Variants in TUBGCP3 observed in about 807,000 individuals in gnomAD.
The protein encoded by TUBGCP3 is tubulin gamma complex component 3.
TUBGCP3 carries 50 observed loss-of-function variants against 123.1 expected under a neutral mutation model. The observed-to-expected ratio is 0.41, with a 90% confidence interval of 0.32 to 0.51. TUBGCP3 has a LOEUF of 0.51. Among genes scored for constraint, TUBGCP3 ranks in the 20% least tolerant of loss-of-function variants. TUBGCP3 has a pLI of 0.36. For synonymous variants in TUBGCP3, 405 were observed against 413.9 expected (o/e 0.98, Z 0.26); for missense variants, 882 against 1,127.0 (o/e 0.78, Z 3.11).
chr13:112,555,777 GA>G (rs1187582592), intron 6 of TUBGCP3, among the ~76,000 whole-genome samples: 2 of 152,124 alleles, frequency 1.3e-5, no homozygotes, highest in Non-Finnish European at 2.9e-5. Context: ...ATGTGATGAG[GA>G]ACAGCAAAGA....
At position 112,504,646 on chromosome 13, in the gene TUBGCP3, G is replaced by C. The variant is rs772564573; in HGVS notation, c.2155C>G (p.Gln719Glu). 6.2e-7 allele frequency: 1 copy of C among 1,613,568 alleles called. No individual in the cohort carries two copies. Among genetic ancestry groups the C allele is most frequent in the Non-Finnish European group, 8.5e-7 (1 of 1,179,870 alleles). The change falls in exon 18 of 22, where the codon CAG (glutamine) becomes GAG (glutamate). Residue 719 changes from glutamine (Q) to glutamate (E), a missense_variant. Coordinates refer to ENST00000261965, the MANE Select transcript of TUBGCP3 (RefSeq NM_006322.6). The part of the protein sequence containing the change: ...SEMVHFIHQM[Q>E]YYITFEVLEC... ...TGTACCTCAAATGTGATGTAATACT[G>C]CATCTGATGAATGAAATGGACCATC...
intron 1 of TUBGCP3, among the ~76,000 whole-genome samples, chr13:112,573,035 A>C (rs1881538287): frequency 6.6e-6 from 1 of 152,070 alleles, no homozygotes; most frequent in South Asian, 2.1e-4. Context: ...TAAAGATGAA[A>C]AGAACAGGTA....
intron 19 of TUBGCP3, 31 bp downstream of exon 19, chr13:112,504,001 T>C (rs779974511): frequency 1.3e-6 from 2 of 1,563,904 alleles, no homozygotes; most frequent in Non-Finnish European, 1.7e-6. Context: ...ATTCTTTTGG[T>C]TTCTTGTTTC....
chr13:112,546,846 G>T, intron 10 of TUBGCP3: 1 of 152,382 alleles, frequency 6.6e-6, no homozygotes, highest in Non-Finnish European at 1.5e-5. Flanking sequence ...AGGAAGGTGT[G>T]CAGACAGCAA....
At position 112,533,751 on chromosome 13, in the gene TUBGCP3, T is replaced by C. The variant is rs118164684; in HGVS notation, c.1336-6267A>G. Among the ~76,000 whole-genome samples the C allele has an allele frequency of 4.7e-5, 7 of 150,030 alleles. No individual in the cohort carries two copies. The East Asian group carries it at 5.8e-4, about 13-fold the overall frequency. The stretch of plus-strand genomic sequence containing the variant: ...ATATTACCACATCACTGACTTGATA[T>C]TCAGTTTGGACACACTAGATAAAGC... On this transcript the variant is annotated intron_variant, in intron 11 of 21. Transcript: ENST00000261965.
intron 1 of TUBGCP3, among the ~76,000 whole-genome samples, chr13:112,583,377 C>G (rs1359753330): frequency 6.6e-6 from 1 of 152,138 alleles, no homozygotes; most frequent in Admixed American, 6.5e-5. Flanking sequence ...AAGCCTTCAA[C>G]AGATTCGATG....
chr13:112,544,403 A>G (rs1878809912), intron 11 of TUBGCP3, among the ~76,000 whole-genome samples: 1 of 143,020 alleles, frequency 7.0e-6, no homozygotes, highest in East Asian at 2.3e-4. Context: ...CAGTGAGCCG[A>G]GATTGAGCCA....
At chr13:112,550,826 C>CGT (rs1566570650) in intron 8 of TUBGCP3, among the ~76,000 whole-genome samples, 1 of 152,146 alleles carries the variant, frequency 6.6e-6, no homozygotes, top group Non-Finnish European at 1.5e-5. Context: ...CGGCCAGGTG[C>CGT]GGTGGCTCAC....
At chr13:112,513,897 A>G (rs771198022) in intron 17 of TUBGCP3, among the ~76,000 whole-genome samples, 3 of 152,064 alleles carry the variant, frequency 2.0e-5, no homozygotes, top group African/African-American at 4.8e-5. Flanking sequence ...TAAACAATTC[A>G]TAAGTTTTCA....
At chr13:112,581,505 G>C (rs1203017878) in intron 1 of TUBGCP3, among the ~76,000 whole-genome samples, 1 of 151,694 alleles carries the variant, frequency 6.6e-6, no homozygotes, top group Non-Finnish European at 1.5e-5. Flanking sequence ...GAGTGCAGTG[G>C]TAAGATCTCG....
rs553127646 is a variant in TUBGCP3, at chr13:112,547,484, A to C, written c.1168+136T>G. ...TGGCGCACCCTACAAACGAGTTCTG[A>C]AACAAAGCGAGTGCCAGACGCGCGT... On this transcript the variant is annotated intron_variant, in intron 10 of 21. Coordinates refer to ENST00000261965, the MANE Select transcript of TUBGCP3 (RefSeq NM_006322.6). 2.7e-4 allele frequency: 357 copies of C among 1,318,420 alleles called. 2 individuals are homozygous for C. The highest frequency in any genetic ancestry group is 1.4e-3 in the South Asian group (58 of 42,596). 81.7% of individuals were successfully genotyped at this position (1,318,420 alleles called of 1,614,324 possible). A position where few individuals can be genotyped will look rare whatever the true frequency, so the allele number is the denominator to read the frequency against.
At position 112,545,804 on chromosome 13, in the gene TUBGCP3, G is replaced by A. The variant is rs779872537; in HGVS notation, c.1230C>T (p.Tyr410=). 2 of 1,614,190 alleles carry A rather than the reference G, an allele frequency of 1.2e-6. No individual in the cohort carries two copies. Among genetic ancestry groups the A allele is most frequent in the Non-Finnish European group, 1.7e-6 (2 of 1,180,016 alleles). ...VHAYTKTGDP[Y]MRSLVQHILS... ...GGATGTGCTGCACCAGAGACCGCAT[G>A]TACGGGTCTCCTGTTTTTGTGTAGG... The change falls in exon 11 of 22, where the codon TAC becomes TAT. Residue 410 remains tyrosine, a synonymous_variant. Coordinates refer to ENST00000261965, the MANE Select transcript of TUBGCP3 (RefSeq NM_006322.6). The surrounding 1 kb of genome is among the most constrained non-coding windows in gnomAD (Gnocchi z 4.1).
the TUBGCP3 span, among the ~76,000 whole-genome samples, chr13:112,599,944 T>G: frequency 1.3e-5 from 2 of 152,176 alleles, no homozygotes; most frequent in East Asian, 3.8e-4. Flanking sequence ...CCCCTGCAGC[T>G]TTCTCCTATA....
chr13:112,567,523 T>C (rs1881046482), intron 2 of TUBGCP3, among the ~76,000 whole-genome samples: 1 of 152,248 alleles, frequency 6.6e-6, no homozygotes, highest in Non-Finnish European at 1.5e-5. Context: ...AGTGTTCTTA[T>C]GTTGTTATAT....
In TUBGCP3 at chr13:112,519,831, G is replaced by T; in HGVS notation, c.1881+55C>A. On this transcript the variant is annotated intron_variant, in intron 15 of 21. Coordinates refer to ENST00000261965, the MANE Select transcript of TUBGCP3 (RefSeq NM_006322.6). This position sits in a 1 kb window ranked among gnomAD's most constrained non-coding sequence, Gnocchi z 6.2. ...GGAAAACACTCGCTAGAACACCCCGGCCCAGTGGGTCCTCGGTGCCGGGGC... is the reference window on the plus strand; with the variant it reads ...GGAAAACACTCGCTAGAACACCCCGTCCCAGTGGGTCCTCGGTGCCGGGGC... 1 of 1,585,348 alleles carries T rather than the reference G, an allele frequency of 6.3e-7. No individual in the cohort carries two copies. Among genetic ancestry groups the T allele is most frequent in the Non-Finnish European group, 8.6e-7 (1 of 1,164,104 alleles).
At chr13:112,523,368 T>A (rs752591978) in intron 13 of TUBGCP3, among the ~76,000 whole-genome samples, 1 of 152,174 alleles carries the variant, frequency 6.6e-6, no homozygotes, top group Admixed American at 6.5e-5. Context: ...AGAAGACTCT[T>A]AAGATTTGTT....
At chr13:112,565,540 T>C (rs1880882747) in intron 2 of TUBGCP3, among the ~76,000 whole-genome samples, 1 of 152,204 alleles carries the variant, frequency 6.6e-6, no homozygotes, top group African/African-American at 2.4e-5. Flanking sequence ...GGATGGAAAG[T>C]GAAAATATTA....
Position 112,522,410 on chromosome 13 carries a change from T to A in TUBGCP3, c.1655A>T (p.Lys552Met), listed in dbSNP as rs1328656566. 1 of 1,614,080 alleles carries A rather than the reference T, an allele frequency of 6.2e-7. No homozygotes were observed. The highest frequency in any genetic ancestry group is 8.5e-7 in the Non-Finnish European group (1 of 1,180,018). ...SKYLLDVLNK[K>M]YSLLDHMQAM... ...CTGCATGTGGTCCAGCAAGCTGTAC[T>A]TTTTATTGAGAACATCCAACAGGTA... Residue 552 changes from lysine to methionine, a missense_variant, in exon 14 of 22, where the codon AAG becomes ATG. Transcript: ENST00000261965.
upstream of TUBGCP3, among the ~76,000 whole-genome samples, chr13:112,589,325 T>C (rs895379263): frequency 6.6e-6 from 1 of 152,210 alleles, no homozygotes; most frequent in Admixed American, 6.5e-5. Flanking sequence ...CCTGACCAGC[T>C]CTCTCCTAGG....
Sources: allele counts gnomAD v4.1 joint callset (sites outside exome capture counted in the v4.1 genomes callset), GRCh38; gene constraint gnomAD v4.1.1; non-coding constraint Gnocchi (gnomAD v3.1); transcripts MANE v1.5; gene names NCBI Gene and HGNC (gene_info 2026-07-23, HGNC 2026-07-21).